Variants in ZRSR2 observed in about 807,000 individuals in gnomAD.
The protein encoded by ZRSR2 is U2 small nuclear ribonucleoprotein auxiliary factor 35 kDa subunit-related protein 2.
Under a neutral mutation model 39.4 loss-of-function variants are expected in ZRSR2, and 3 were observed. The ratio of observed to expected loss-of-function variants is 0.08; its 90% CI spans 0.03 to 0.20. The LOEUF (loss-of-function observed/expected upper bound fraction) is 0.20, where lower values mean the gene tolerates loss of function less well. Among genes scored for constraint, ZRSR2 ranks in the 10% least tolerant of loss-of-function variants. The pLI, the probability that ZRSR2 is intolerant of heterozygous loss-of-function variation, is 1.00. For synonymous variants in ZRSR2, 137 were observed against 136.0 expected (o/e 1.01, Z -0.05); for missense variants, 256 against 391.5 (o/e 0.65, Z 2.92).
intron 2 of ZRSR2, among the ~76,000 whole-genome samples, chrX:15,793,707 T>C (rs775529140): frequency 8.9e-6 from 1 of 112,065 alleles, no homozygotes; most frequent in East Asian, 2.8e-4. Flanking sequence ...CCCGGCTAAT[T>C]CTTGTACTTT....
chrX:15,816,326 A>G (rs1932975367), intron 8 of ZRSR2, among the ~76,000 whole-genome samples: 1 of 111,763 alleles, frequency 8.9e-6, no homozygotes, highest in Non-Finnish European at 1.9e-5. Flanking sequence ...TTGTTGGTGC[A>G]TTGTGTTGAC....
chrX:15,805,669 C>T (rs748742542), intron 5 of ZRSR2, among the ~76,000 whole-genome samples: 2 of 111,499 alleles, frequency 1.8e-5, no homozygotes, highest in Non-Finnish European at 3.8e-5. Context: ...TGGTGGCTCA[C>T]GCCTGTAATC....
chrX:15,823,068 AAATAGGGACCGC>A lies in ZRSR2; in HGVS notation c.1277_1288del (p.Asn426_Arg429del), dbSNP rs1159531662. ...GGCACAATTCACGAAGCAGAGGAAG[AAATAGGGACCGC>A]AGCAGGGACCGCAGCCGGGGCCGGG... On this transcript the variant is annotated inframe_deletion, in exon 11 of 11. Transcript: ENST00000307771. 3 of 1,210,931 alleles carry A rather than the reference AAATAGGGACCGC, an allele frequency of 2.5e-6. No homozygotes were observed. The highest frequency in any genetic ancestry group is 3.4e-6 in the Non-Finnish European group (3 of 894,862).
At chrX:15,809,457 C>T (rs1932847973) in intron 7 of ZRSR2, 139 bp downstream of exon 7, 6 of 484,746 alleles carry the variant, frequency 1.2e-5, no homozygotes, top group South Asian at 3.2e-5. Flanking sequence ...CTGCTGCTCT[C>T]GTTTTCCCAG....
intron 2 of ZRSR2, among the ~76,000 whole-genome samples, chrX:15,795,438 G>T (rs771864448): frequency 9.0e-6 from 1 of 111,469 alleles, no homozygotes; most frequent in African/African-American, 3.3e-5. Context: ...GACACCTTCA[G>T]TGTTGAACTC....
intron 10 of ZRSR2, among the ~76,000 whole-genome samples, chrX:15,821,550 C>T (rs770738181): frequency 9.1e-6 from 1 of 110,322 alleles, no homozygotes; most frequent in Non-Finnish European, 1.9e-5. Context: ...ATATTTTCTC[C>T]CATTTTGTAG....
chrX:15,800,533 T>A (rs561126962), intron 3 of ZRSR2, among the ~76,000 whole-genome samples: 2 of 111,542 alleles, frequency 1.8e-5, no homozygotes, highest in South Asian at 3.7e-4. Flanking sequence ...AATTAACAAA[T>A]GTAAAAAGGG....
rs1933067070 is a variant in ZRSR2, at chrX:15,820,103, T to G, written c.828-104T>G. 6 of 701,529 alleles carry G rather than the reference T, an allele frequency of 8.6e-6. No individual in the cohort carries two copies. In the Admixed American group the frequency reaches 1.7e-4, roughly 19 times the overall value. The allele number at this position is 701,529 out of a possible 1,213,427, so 57.8% of individuals were successfully genotyped here. A position where few individuals can be genotyped will look rare whatever the true frequency, so the allele number is the denominator to read the frequency against. ...TTCCCTAGGTACAAAATCAGTGAAC[T>G]TGGTGGTCCTACAATAAATTAATAA... is the stretch of plus-strand genomic sequence containing the variant. On this transcript the variant is annotated intron_variant, in intron 9 of 10. Coordinates refer to ENST00000307771, the MANE Select transcript of ZRSR2 (RefSeq NM_005089.4).
At position 15,804,099 on chromosome X, in the gene ZRSR2, TC is replaced by T. The variant is rs776264662; in HGVS notation, c.313-8del. Reference sequence around the variant, plus strand: ...TGACTGAAACAAAGTTACTTTTTCTTCCCCTTTAAAGAGAAAGTTAAAGGAA... The same window carrying T: ...TGACTGAAACAAAGTTACTTTTTCTTCCCTTTAAAGAGAAAGTTAAAGGAA... On this transcript the variant is annotated splice_polypyrimidine_tract_variant and intron_variant, in intron 4 of 10. Coordinates refer to ENST00000307771, the MANE Select transcript of ZRSR2 (RefSeq NM_005089.4). 1 of 1,169,969 alleles carries T rather than the reference TC, an allele frequency of 8.5e-7. No individual in the cohort carries two copies. Among genetic ancestry groups the T allele is most frequent in the African/African-American group, 1.8e-5 (1 of 55,431 alleles).
At chrX:15,820,103 TTGG>T (rs1424245625) in intron 9 of ZRSR2, 101 bp from the exon 10 acceptor site, 1 of 701,529 alleles carries the variant, frequency 1.4e-6, no homozygotes, top group Non-Finnish European at 2.2e-6. Flanking sequence ...ATCAGTGAAC[TTGG>T]TGGTCCTACA....
chrX:15,811,781 C>T (rs1601821482), intron 7 of ZRSR2, among the ~76,000 whole-genome samples: 1 of 111,436 alleles, frequency 9.0e-6, no homozygotes, highest in African/African-American at 3.3e-5. Context: ...TAAACGATTT[C>T]GAGAACTTGG....
Position 15,822,719 on chromosome X carries a change from G to A in ZRSR2, c.938-12G>A, listed in dbSNP as rs1601830725. 2 of 1,212,076 alleles carry A rather than the reference G, an allele frequency of 1.7e-6. No individual in the cohort carries two copies. Among genetic ancestry groups the A allele is most frequent in the Non-Finnish European group, 2.2e-6 (2 of 895,427 alleles). On this transcript the variant is annotated splice_polypyrimidine_tract_variant and intron_variant, in intron 10 of 10. Coordinates refer to ENST00000307771, the MANE Select transcript of ZRSR2 (RefSeq NM_005089.4). ...CAGTGATAAGTGCTGTTTCATCACTGTGCCATTGCAGGTTTATTTGAAATA... is the reference window on the plus strand; with the variant it reads ...CAGTGATAAGTGCTGTTTCATCACTATGCCATTGCAGGTTTATTTGAAATA...
At chrX:15,795,302 C>T (rs1211699996) in intron 2 of ZRSR2, among the ~76,000 whole-genome samples, 1 of 110,312 alleles carries the variant, frequency 9.1e-6, no homozygotes, top group Non-Finnish European at 1.9e-5. Flanking sequence ...TATTAGGGTT[C>T]TCTCCCATAG....
chrX:15,792,785 A>G (rs187114237), intron 2 of ZRSR2, among the ~76,000 whole-genome samples: 151 of 112,846 alleles, frequency 1.3e-3, no homozygotes, highest in African/African-American at 4.6e-3. Flanking sequence ...CTGAAATCAC[A>G]CAGTAGTACT....
At chrX:15,799,801 T>C (rs1246969553) in intron 2 of ZRSR2, 71 bp from the exon 3 acceptor site, 3 of 653,980 alleles carry the variant, frequency 4.6e-6, no homozygotes, top group Non-Finnish European at 7.0e-6. Context: ...AAAGATTACA[T>C]GTATTTTTTT....
chrX:15,804,048 G>T (rs1932753836), intron 4 of ZRSR2, 63 bp from the exon 5 acceptor site: 1 of 1,097,755 alleles, frequency 9.1e-7, no homozygotes, highest in Middle Eastern at 2.6e-4. Context: ...ATCTATGTGC[G>T]CTGTATGTGA....
intron 7 of ZRSR2, among the ~76,000 whole-genome samples, chrX:15,813,321 G>T (rs184883490): frequency 8.9e-6 from 1 of 112,086 alleles, no homozygotes. Flanking sequence ...GACCAGGTAG[G>T]GAGCTACTTT....
At chrX:15,819,226 C>CT (rs1267479249) in intron 9 of ZRSR2, among the ~76,000 whole-genome samples, 2 of 110,458 alleles carry the variant, frequency 1.8e-5, no homozygotes, top group Non-Finnish European at 3.8e-5. Flanking sequence ...CATCCCAACA[C>CT]TTTTGGAGGC....
At chrX:15,822,109 G>A (rs191981171) in intron 10 of ZRSR2, among the ~76,000 whole-genome samples, 333 of 109,888 alleles carry the variant, frequency 3.0e-3, no homozygotes, top group Middle Eastern at 9.3e-3. Context: ...TCATGCCTCC[G>A]CCTCCTGAGT....
Sources: allele counts gnomAD v4.1 joint callset (sites outside exome capture counted in the v4.1 genomes callset), GRCh38; gene constraint gnomAD v4.1.1; transcripts MANE v1.5; gene names NCBI Gene and HGNC (gene_info 2026-07-23, HGNC 2026-07-21).